ZNF778: variants seen among roughly 807,000 people sequenced by gnomAD.
ZNF778 encodes the protein zinc finger protein 778.
ZNF778 carries 37 observed loss-of-function variants against 23.9 expected under a neutral mutation model. The observed-to-expected ratio is 1.54, with a 90% confidence interval of 1.19 to 2.03. The LOEUF (loss-of-function observed/expected upper bound fraction) is 2.03, where lower values mean the gene tolerates loss of function less well. Among genes scored for constraint, ZNF778 ranks in the 30% most tolerant of loss-of-function variants. The pLI is 0.00. For synonymous variants in ZNF778, 483 were observed against 343.9 expected, an observed-to-expected ratio of 1.40 and a Z score of -4.48; for missense variants, 1,297 against 934.4, an observed-to-expected ratio of 1.39 and a Z score of -5.06.
At position 89,226,982 on chromosome 16, in the gene ZNF778, G is replaced by A. The variant is rs372662997; in HGVS notation, c.694G>A (p.Glu232Lys). ...ATCTCTTGACTACAGCAGCTGTGGGGAAGTGTTCCTTAATCAGTCATACCT... is the reference window on the plus strand; with the variant it reads ...ATCTCTTGACTACAGCAGCTGTGGGAAAGTGTTCCTTAATCAGTCATACCT... ...DRSLDYSSCG[E>K]VFLNQSYLQA... The change falls in exon 7 of 7, where the codon GAA (glutamate) becomes AAA (lysine). Residue 232 changes from glutamate to lysine, a missense_variant. Coordinates refer to ENST00000433976, the MANE Select transcript of ZNF778 (RefSeq NM_001201407.2). 49 of 1,613,912 alleles carry A rather than the reference G, an allele frequency of 3.0e-5. No individual in the cohort carries two copies. The highest frequency in any genetic ancestry group is 4.2e-5 in the Non-Finnish European group (49 of 1,179,912).
intron 1 of ZNF778, among the ~76,000 whole-genome samples, chr16:89,219,248 A>G (rs1263808853): frequency 6.6e-6 from 1 of 152,194 alleles, no homozygotes; most frequent in Non-Finnish European, 1.5e-5. Flanking sequence ...ATCTGTTCCC[A>G]TCGTTTATGT....
Position 89,223,304 on chromosome 16 carries a change from TG to T in ZNF778, c.244+22del, listed in dbSNP as rs781408388. ...AGTAGGTGAGGCTGCCACCGTCCTT[TG>T]CAACTTCTGTGGAACCAATACTTGA... On this transcript the variant is annotated intron_variant, in intron 4 of 6. Transcript: ENST00000433976. 4 of 1,612,884 alleles carry T rather than the reference TG, an allele frequency of 2.5e-6. No individual in the cohort carries two copies. The Admixed American group carries it at 6.7e-5, about 27-fold the overall frequency.
chr16:89,223,466 A>G (rs2031166175), intron 4 of ZNF778, among the ~76,000 whole-genome samples, 183 bp downstream of exon 4: 1 of 152,136 alleles, frequency 6.6e-6, no homozygotes. Flanking sequence ...CATGAGCATC[A>G]CCGTCACTCC....
In ZNF778 at chr16:89,235,167, T is replaced by C. The variant is rs2032202515; in HGVS notation, c.*6605T>C. Reference sequence around the variant, plus strand: ...TTTTTGCAAGGCCTCTTTTTTTTAATGAAGAAAAGAGGTTTATTTTGTTCA... The same window carrying C: ...TTTTTGCAAGGCCTCTTTTTTTTAACGAAGAAAAGAGGTTTATTTTGTTCA... On this transcript the variant is annotated 3_prime_UTR_variant, in exon 7 of 7. Coordinates refer to ENST00000433976, the MANE Select transcript of ZNF778 (RefSeq NM_001201407.2). 2 of 152,138 alleles carry C rather than the reference T, an allele frequency of 1.3e-5. No homozygotes were observed. The highest frequency in any genetic ancestry group is 2.9e-5 in the Non-Finnish European group (2 of 68,036). 9.4% of individuals were successfully genotyped at this position (152,138 alleles called of 1,614,324 possible).
rs1009032070 is a variant in ZNF778 at position 89,230,535 on chromosome 16, G to T, written c.*1973G>T. On this transcript the variant is annotated 3_prime_UTR_variant, in exon 7 of 7. Transcript: ENST00000433976. ...CCTGGGGCAGCTGCTGCTTGTGTGT[G>T]TGCTGCTCCTTTGTGTACCATGAAA... is the stretch of plus-strand genomic sequence containing the variant. The T allele has an allele frequency of 1.3e-5, 2 of 152,262 alleles. No homozygotes were observed. Among genetic ancestry groups the T allele is most frequent in the African/African-American group, 2.4e-5 (1 of 41,446 alleles). The allele number at this position is 152,262 out of a possible 1,614,324, so 9.4% of individuals were successfully genotyped here.
chr16:89,233,691 C>G lies in ZNF778; in HGVS notation c.*5129C>G, dbSNP rs977241826. 7 of 1,283,518 alleles carry G rather than the reference C, an allele frequency of 5.5e-6. No homozygotes were observed. The highest frequency in any genetic ancestry group is 1.6e-5 in the African/African-American group (1 of 63,992). The allele number at this position is 1,283,518 out of a possible 1,614,324, so 79.5% of individuals were successfully genotyped here. A position where few individuals can be genotyped will look rare whatever the true frequency, so the allele number is the denominator to read the frequency against. ...CGCACTGCGTATGCAAATCAACTTA[C>G]TGCATATGCAACTCAACTCACTGCG... is the stretch of plus-strand genomic sequence containing the variant. On this transcript the variant is annotated 3_prime_UTR_variant, in exon 7 of 7. Coordinates refer to ENST00000433976, the MANE Select transcript of ZNF778 (RefSeq NM_001201407.2).
In ZNF778 at chr16:89,229,020, C is replaced by T. The variant is rs2031752600; in HGVS notation, c.*458C>T. 7 of 992,006 alleles carry T rather than the reference C, an allele frequency of 7.1e-6. No homozygotes were observed. The highest frequency in any genetic ancestry group is 8.4e-6 in the Non-Finnish European group (7 of 834,390). 61.5% of individuals were successfully genotyped at this position (992,006 alleles called of 1,614,324 possible). Reference sequence around the variant, plus strand: ...TCCCTGTGTTCTAAAACCTTGTGGGCTAACTTGAGACATGTCTTTCTGGGG... The same window carrying T: ...TCCCTGTGTTCTAAAACCTTGTGGGTTAACTTGAGACATGTCTTTCTGGGG... On this transcript the variant is annotated 3_prime_UTR_variant, in exon 7 of 7. Transcript: ENST00000433976.
At chr16:89,217,952 G>C (rs536507339) in intron 1 of ZNF778, 42 bp downstream of exon 1, 1 of 152,486 alleles carries the variant, frequency 6.6e-6, no homozygotes, top group Admixed American at 6.5e-5. Flanking sequence ...TGAACAGGGC[G>C]TGTTTCTGTG....
intron 1 of ZNF778, among the ~76,000 whole-genome samples, chr16:89,218,810 TA>T (rs1307091688): frequency 1.8e-5 from 2 of 108,762 alleles, no homozygotes; most frequent in Non-Finnish European, 3.9e-5. Flanking sequence ...TAATAATAAT[TA>T]AAAATAATAA....
intron 3 of ZNF778, among the ~76,000 whole-genome samples, chr16:89,222,538 A>G (rs1191103336): frequency 6.6e-6 from 1 of 152,072 alleles, no homozygotes. Context: ...TAATTTTTGT[A>G]TTTTTAGTAG....
chr16:89,224,658 G>T, intron 4 of ZNF778, 61 bp from the exon 5 acceptor site: 1 of 1,180,802 alleles, frequency 8.5e-7, no homozygotes, highest in East Asian at 2.6e-5. Context: ...TCCTGTTCAC[G>T]GGTAGGTTTG....
At position 89,230,103 on chromosome 16, in the gene ZNF778, TA is replaced by T; in HGVS notation, c.*1542del. On this transcript the variant is annotated 3_prime_UTR_variant, in exon 7 of 7. Coordinates refer to ENST00000433976, the MANE Select transcript of ZNF778 (RefSeq NM_001201407.2). ...CATGCTCTTAGGCATGACCCACCTG[TA>T]GGGTCCCACACTGGCCAATGTTGGG... The T allele has an allele frequency of 2.3e-6, 2 of 886,204 alleles. No homozygotes were observed. The highest frequency in any genetic ancestry group is 2.7e-6 in the Non-Finnish European group (2 of 740,158). 54.9% of individuals were successfully genotyped at this position (886,204 alleles called of 1,614,324 possible). A position where few individuals can be genotyped will look rare whatever the true frequency, so the allele number is the denominator to read the frequency against.
rs1337165691 is a variant in ZNF778 at position 89,230,691 on chromosome 16, C to T, written c.*2129C>T. On this transcript the variant is annotated 3_prime_UTR_variant, in exon 7 of 7. Transcript: ENST00000433976. ...CATGTGAGTGACACGAATGTGTGTC[C>T]TCTGGCTGCAGCAATCCTGGGTTAT... The T allele has an allele frequency of 1.3e-5, 2 of 152,254 alleles. No homozygotes were observed. Among genetic ancestry groups the T allele is most frequent in the Non-Finnish European group, 2.9e-5 (2 of 68,080 alleles). The allele number at this position is 152,254 out of a possible 1,614,324, so 9.4% of individuals were successfully genotyped here.
In ZNF778 at chr16:89,228,947, G is replaced by T. The variant is rs1827225997; in HGVS notation, c.*385G>T. On this transcript the variant is annotated 3_prime_UTR_variant, in exon 7 of 7. Transcript: ENST00000433976. ...CTTTCCTCACCCTTTAGTAAACGTG[G>T]TGATTGACACTTGAAGTGTTGTGAA... 1.0e-6 allele frequency: 1 copy of T among 1,004,590 alleles called. No homozygotes were observed. Among genetic ancestry groups the T allele is most frequent in the African/African-American group, 1.7e-5 (1 of 57,698 alleles). 62.2% of individuals were successfully genotyped at this position (1,004,590 alleles called of 1,614,324 possible). A position where few individuals can be genotyped will look rare whatever the true frequency, so the allele number is the denominator to read the frequency against.
chr16:89,232,621 A>G lies in ZNF778; in HGVS notation c.*4059A>G. Reference sequence around the variant, plus strand: ...TCCTCAGAGTAAGATAAAATATTAAAGGACCAATTGTATTAATTATGTTTT... The same window carrying G: ...TCCTCAGAGTAAGATAAAATATTAAGGGACCAATTGTATTAATTATGTTTT... On this transcript the variant is annotated 3_prime_UTR_variant, in exon 7 of 7. Coordinates refer to ENST00000433976, the MANE Select transcript of ZNF778 (RefSeq NM_001201407.2). 8.4e-7 allele frequency: 1 copy of G among 1,190,770 alleles called. No individual in the cohort carries two copies. The highest frequency in any genetic ancestry group is 1.1e-6 in the Non-Finnish European group (1 of 944,832). The allele number at this position is 1,190,770 out of a possible 1,614,324, so 73.8% of individuals were successfully genotyped here.
In ZNF778 at chr16:89,217,741, C is replaced by A. The variant is rs570148810; in HGVS notation, c.-301C>A. 64 of 152,350 alleles carry A rather than the reference C, an allele frequency of 4.2e-4. No homozygotes were observed. Among genetic ancestry groups the A allele is most frequent in the African/African-American group, 1.4e-3 (60 of 41,592 alleles). 9.4% of individuals were successfully genotyped at this position (152,350 alleles called of 1,614,324 possible). A position where few individuals can be genotyped will look rare whatever the true frequency, so the allele number is the denominator to read the frequency against. ...GATCCGGTTCTTGCGGCGGTGCGTG[C>A]TGGCGCCGGAGAGTTCCGCGCGTGT... On this transcript the variant is annotated 5_prime_UTR_variant, in exon 1 of 7. The change creates a new upstream start codon in the 5' untranslated region. Coordinates refer to ENST00000433976, the MANE Select transcript of ZNF778 (RefSeq NM_001201407.2).
rs2069169211 is a variant in ZNF778, at chr16:89,227,319, A to G, written c.1031A>G (p.Lys344Arg). The stretch of plus-strand genomic sequence containing the variant: ...CCCTGTGAATGTAAAGAATGCGGAA[A>G]AGCCTTCACTGGACTCTCAGGTCTT... The part of the protein sequence containing the change: ...EKPCECKECG[K>R]AFTGLSGLSK... The change falls in exon 7 of 7, where the codon AAA becomes AGA. Residue 344 changes from lysine to arginine, a missense_variant. By Grantham distance (26) the Lys-to-Arg change is conservative. Transcript: ENST00000433976. 1 of 1,614,014 alleles carries G rather than the reference A, an allele frequency of 6.2e-7. No individual in the cohort carries two copies. The highest frequency in any genetic ancestry group is 8.5e-7 in the Non-Finnish European group (1 of 1,179,898).
Position 89,218,663 on chromosome 16 carries a change from C to T in ZNF778, c.-132+753C>T, listed in dbSNP as rs950691298. Among the ~76,000 whole-genome samples, 3 of 152,172 alleles carry T rather than the reference C, an allele frequency of 2.0e-5. No homozygotes were observed. In the South Asian group the frequency reaches 6.2e-4, roughly 32 times the overall value. On this transcript the variant is annotated intron_variant, in intron 1 of 6. Transcript: ENST00000433976. ...AAAATTAGCCGGGCGTGGTGGCGGG[C>T]TCCTGTAGTCCCAGCTACTCTGGAG...
chr16:89,223,928 C>G (rs564798406), intron 4 of ZNF778, among the ~76,000 whole-genome samples: 94 of 152,270 alleles, frequency 6.2e-4, no homozygotes, highest in African/African-American at 2.1e-3. Context: ...GCCTGTAATC[C>G]GAGCACTCTG....
Sources: allele counts gnomAD v4.1 joint callset (sites outside exome capture counted in the v4.1 genomes callset), GRCh38; gene constraint gnomAD v4.1.1; transcripts MANE v1.5; gene names NCBI Gene and HGNC (gene_info 2026-07-23, HGNC 2026-07-21).